KIF16B: variants seen among roughly 807,000 people sequenced by gnomAD.
KIF16B encodes the protein kinesin family member 16B, also known as kinesin-like protein KIF16B.
Under a neutral mutation model 156.3 loss-of-function variants are expected in KIF16B, and 98 were observed. The observed-to-expected ratio is 0.63, with a 90% CI of 0.53 to 0.74. KIF16B has a LOEUF of 0.74. Ranked by LOEUF, KIF16B falls within the 30% of genes least tolerant of loss-of-function variation. KIF16B has a pLI of 0.00. For missense variants in KIF16B, 1,421 were observed against 1,606.5 expected (o/e 0.88, Z 1.97); for synonymous variants, 564 against 583.7 (o/e 0.97, Z 0.49).
At chr20:16,282,126 G>A (rs1006106919) in intron 25 of KIF16B, among the ~76,000 whole-genome samples, 2 of 151,150 alleles carry the variant, frequency 1.3e-5, no homozygotes, top group Non-Finnish European at 2.9e-5. Flanking sequence ...CCGCCTCCCA[G>A]GTTCAAGCAA....
At chr20:16,513,783 C>T (rs533666260) in intron 4 of KIF16B, among the ~76,000 whole-genome samples, 10 of 151,196 alleles carry the variant, frequency 6.6e-5, no homozygotes, top group South Asian at 6.3e-4. Flanking sequence ...GTGGGTATAA[C>T]GTTCAATAAT....
rs1284682053 is a variant in KIF16B at position 16,410,097 on chromosome 20, ATATATATATGTAGG to A, written c.1613-3655_1613-3642del. Among the ~76,000 whole-genome samples the A allele has an allele frequency of 4.0e-4, 35 of 87,296 alleles. 2 individuals are homozygous for A. The highest frequency in any genetic ancestry group is 5.2e-4 in the African/African-American group (7 of 13,564). 57.3% of individuals were successfully genotyped at this position (87,296 alleles called of 152,430 possible). ...TACATATATATATATGTAGGTACAT[ATATATATATGTAGG>A]TACATATATATATGTAGGTACATAT... On this transcript the variant is annotated intron_variant, in intron 15 of 25. Transcript: ENST00000354981.
At chr20:16,490,956 C>T (rs1000380129) in intron 12 of KIF16B, among the ~76,000 whole-genome samples, 2 of 152,150 alleles carry the variant, frequency 1.3e-5, no homozygotes, top group Non-Finnish European at 2.9e-5. Flanking sequence ...TCCTGTTTTT[C>T]TGTGTGTAAG....
At position 16,350,535 on chromosome 20, in the gene KIF16B, G is replaced by A. The variant is rs930198795; in HGVS notation, c.3621+5795C>T. Among the ~76,000 whole-genome samples the A allele has an allele frequency of 3.9e-5, 6 of 152,114 alleles. No homozygotes were observed. In the East Asian group the frequency reaches 7.7e-4, roughly 20 times the overall value. The stretch of plus-strand genomic sequence containing the variant: ...CGCTGGAGGGTGGTGCTGAGAAGGC[G>A]GGAGGGAAGGTGGGGAGGAGGGAAG... On this transcript the variant is annotated intron_variant, in intron 23 of 25. Coordinates refer to ENST00000354981, the MANE Select transcript of KIF16B (RefSeq NM_024704.5).
At chr20:16,306,732 T>C (rs141367505) in intron 25 of KIF16B, among the ~76,000 whole-genome samples, 97 of 152,274 alleles carry the variant, frequency 6.4e-4, no homozygotes, top group Middle Eastern at 3.4e-3. Flanking sequence ...TAAGGCTCCA[T>C]CATTTTCCTT....
chr20:16,572,582 G>A (rs1335542588), intron 1 of KIF16B, among the ~76,000 whole-genome samples: 1 of 152,206 alleles, frequency 6.6e-6, no homozygotes, highest in South Asian at 2.1e-4. Flanking sequence ...GAAGGATTCT[G>A]AAAAAGCATT....
intron 24 of KIF16B, among the ~76,000 whole-genome samples, chr20:16,331,916 T>A (rs1331418007): frequency 2.0e-5 from 3 of 152,180 alleles, no homozygotes; most frequent in Admixed American, 6.5e-5. Context: ...GTAATAAACA[T>A]TGATCTCAAG....
intron 12 of KIF16B, among the ~76,000 whole-genome samples, chr20:16,490,797 C>T (rs1474505177): frequency 1.3e-5 from 2 of 152,096 alleles, no homozygotes; most frequent in African/African-American, 4.8e-5. Context: ...TTTTGGCAGC[C>T]CTAGCAGATT....
At chr20:16,450,907 T>C (rs920171284) in intron 12 of KIF16B, among the ~76,000 whole-genome samples, 2 of 152,160 alleles carry the variant, frequency 1.3e-5, no homozygotes, top group Non-Finnish European at 2.9e-5. Context: ...GAGCAGGTTA[T>C]AGTTTACTAT....
At chr20:16,351,467 G>A (rs1021164233) in intron 23 of KIF16B, among the ~76,000 whole-genome samples, 16 of 152,354 alleles carry the variant, frequency 1.1e-4, no homozygotes, top group Middle Eastern at 3.4e-3. Flanking sequence ...AGAGGCATGC[G>A]AAGCGGGGTT....
chr20:16,503,875 G>A (rs923251141), intron 10 of KIF16B, among the ~76,000 whole-genome samples: 6 of 152,134 alleles, frequency 3.9e-5, no homozygotes, highest in African/African-American at 1.4e-4. Flanking sequence ...AGGGCCCAGG[G>A]ACAGCATTTC....
intron 4 of KIF16B, 48 bp downstream of exon 4, chr20:16,515,500 G>T: frequency 1.0e-6 from 1 of 977,724 alleles, no homozygotes; most frequent in Non-Finnish European, 1.7e-6. Context: ...TACCAGTCCA[G>T]AGAAAGATAA....
At chr20:16,465,240 A>G (rs2067458147) in intron 12 of KIF16B, among the ~76,000 whole-genome samples, 1 of 152,194 alleles carries the variant, frequency 6.6e-6, no homozygotes, top group Non-Finnish European at 1.5e-5. Flanking sequence ...CCTCAAGATA[A>G]AAACAAACCA....
intron 12 of KIF16B, 81 bp downstream of exon 12, chr20:16,494,210 T>A (rs570141522): frequency 3.9e-5 from 31 of 803,206 alleles, no homozygotes; most frequent in South Asian, 3.4e-4. Context: ...AACTGCCATG[T>A]TTGGAGATTA....
intron 1 of KIF16B, among the ~76,000 whole-genome samples, chr20:16,544,284 A>C (rs6044099): frequency 0.041 from 6,206 of 151,976 alleles, 193 homozygotes; most frequent in African/African-American, 0.084. Flanking sequence ...GTACCTATCT[A>C]ATCCAAGTGA....
rs368116032 is a variant in KIF16B at position 16,344,601 on chromosome 20, A to T, written c.3622-8586T>A. Reference sequence around the variant, plus strand: ...GCCTTCTTGTGGGTCCCATCAGAACAGTCCCCCAAACTGAGTGCCTATGGT... The same window carrying T: ...GCCTTCTTGTGGGTCCCATCAGAACTGTCCCCCAAACTGAGTGCCTATGGT... On this transcript the variant is annotated intron_variant, in intron 23 of 25. Transcript: ENST00000354981. Among the ~76,000 whole-genome samples, 20 of 152,302 alleles carry T rather than the reference A, an allele frequency of 1.3e-4. No individual in the cohort carries two copies. In the East Asian group the frequency reaches 3.7e-3, roughly 28 times the overall value.
At chr20:16,571,910 C>A (rs1217383343) in intron 1 of KIF16B, among the ~76,000 whole-genome samples, 1 of 152,144 alleles carries the variant, frequency 6.6e-6, no homozygotes, top group African/African-American at 2.4e-5. Flanking sequence ...CAGGCATGAG[C>A]CACCGCGCCC....
intron 12 of KIF16B, among the ~76,000 whole-genome samples, chr20:16,439,773 C>A (rs1471117385): frequency 6.6e-6 from 1 of 152,170 alleles, no homozygotes; most frequent in Non-Finnish European, 1.5e-5. Context: ...TGGCAGCAGA[C>A]AAAGGGAGAG....
At chr20:16,349,432 A>G (rs2064293530) in intron 23 of KIF16B, among the ~76,000 whole-genome samples, 1 of 152,182 alleles carries the variant, frequency 6.6e-6, no homozygotes, top group Non-Finnish European at 1.5e-5. Flanking sequence ...GTCTATGGCC[A>G]AGTGGAGGGC....
Sources: allele counts gnomAD v4.1 joint callset (sites outside exome capture counted in the v4.1 genomes callset), GRCh38; gene constraint gnomAD v4.1.1; transcripts MANE v1.5; gene names NCBI Gene and HGNC (gene_info 2026-07-23, HGNC 2026-07-21).